SMARCA4: variants seen among roughly 807,000 people sequenced by gnomAD.
SMARCA4 encodes the protein SWI/SNF-related matrix-associated actin-dependent regulator of chromatin subfamily A member 4.
A neutral mutation model predicts 193.9 loss-of-function variants in SMARCA4; 31 were observed. The observed-to-expected ratio is 0.16, with a 90% CI of 0.12 to 0.22. The LOEUF is 0.22. SMARCA4 is among the 10% of genes least tolerant of loss of function. The pLI, the probability that SMARCA4 is intolerant of heterozygous loss-of-function variation, is 1.00. For missense variants in SMARCA4, 1,148 were observed against 2,296.0 expected (o/e 0.50, Z 10.22); for synonymous variants, 942 against 933.1 (o/e 1.01, Z -0.17).
Position 11,003,208 on chromosome 19 carries a change from T to G in SMARCA4, c.1943+49T>G, listed in dbSNP as rs538694619. 10 of 1,613,180 alleles carry G rather than the reference T, an allele frequency of 6.2e-6. No homozygotes were observed. The African/African-American group carries it at 9.3e-5, about 15-fold the overall frequency. ...ATGCAGTGGGGATCCAAGTCCTCGG[T>G]GGGCCTTGTTCCAGGGAGGTGGCAG... On this transcript the variant is annotated intron_variant, in intron 12 of 34. Coordinates refer to ENST00000344626, the MANE Select transcript of SMARCA4 (RefSeq NM_003072.5).
At chr19:11,053,931 A>G (rs2076400820) in intron 30 of SMARCA4, among the ~76,000 whole-genome samples, 3 of 152,146 alleles carry the variant, frequency 2.0e-5, no homozygotes, top group Middle Eastern at 3.2e-3. Context: ...GAAAAGAAAC[A>G]GACAATTCCT....
In SMARCA4 at chr19:11,058,944, C is replaced by T. The variant is rs1353521334; in HGVS notation, c.4635+55C>T. 1 of 1,326,876 alleles carries T rather than the reference C, an allele frequency of 7.5e-7. No individual in the cohort carries two copies. The highest frequency in any genetic ancestry group is 1.4e-5 in the African/African-American group (1 of 69,162). The allele number at this position is 1,326,876 out of a possible 1,614,324, so 82.2% of individuals were successfully genotyped here. ...GCCACTCCCACAGCTGGGCTTTGAC[C>T]CAACCCGCCCCTCCTTCCCTTCTGA... On this transcript the variant is annotated intron_variant, in intron 32 of 34. Transcript: ENST00000344626. This position sits in a 1 kb window ranked among gnomAD's most constrained non-coding sequence, Gnocchi z 5.8.
At chr19:11,054,661 G>C (rs1220829366) in intron 30 of SMARCA4, among the ~76,000 whole-genome samples, 1 of 152,166 alleles carries the variant, frequency 6.6e-6, no homozygotes, top group African/African-American at 2.4e-5. Flanking sequence ...GTGTGGTGGT[G>C]CACCTGTAAT....
chr19:10,966,139 T>C (rs1269013123), intron 1 of SMARCA4, among the ~76,000 whole-genome samples: 1 of 151,776 alleles, frequency 6.6e-6, no homozygotes, highest in Non-Finnish European at 1.5e-5. Context: ...CCCGCCACCA[T>C]GCCTGGCTAA....
rs1453470142 is a variant in SMARCA4, at chr19:10,986,049, A to G, written c.356-140A>G. On this transcript the variant is annotated intron_variant, in intron 3 of 34. Coordinates refer to ENST00000344626, the MANE Select transcript of SMARCA4 (RefSeq NM_003072.5). The surrounding 1 kb of genome is among the most constrained non-coding windows in gnomAD (Gnocchi z 6.7). Reference sequence around the variant, plus strand: ...GAGGTGCCTTCAGCATGTGCCCTCCAGGTGCCCCTGGTTGACTCAAGAGAA... The same window carrying G: ...GAGGTGCCTTCAGCATGTGCCCTCCGGGTGCCCCTGGTTGACTCAAGAGAA... The G allele has an allele frequency of 3.9e-6, 3 of 761,082 alleles. No individual in the cohort carries two copies. The highest frequency in any genetic ancestry group is 6.8e-6 in the Non-Finnish European group (3 of 441,036). 47.1% of individuals were successfully genotyped at this position (761,082 alleles called of 1,614,324 possible).
intron 18 of SMARCA4, among the ~76,000 whole-genome samples, chr19:11,020,126 G>A (rs749275717): frequency 1.3e-5 from 2 of 152,174 alleles, no homozygotes; most frequent in Non-Finnish European, 2.9e-5. Context: ...TTCAGCATGT[G>A]GGGGAGAGCT....
At chr19:11,036,230 C>A (rs2075261658) in intron 29 of SMARCA4, among the ~76,000 whole-genome samples, 1 of 152,202 alleles carries the variant, frequency 6.6e-6, no homozygotes, top group African/African-American at 2.4e-5. Context: ...TGAGCCCTGC[C>A]ACAGACCTGT....
At chr19:11,021,636 C>T (rs2146409947) in intron 18 of SMARCA4, 89 bp from the exon 19 acceptor site, 2 of 1,507,398 alleles carry the variant, frequency 1.3e-6, no homozygotes, top group Non-Finnish European at 1.8e-6. Context: ...TGGAGCCTTC[C>T]TGGCTGCTGG....
Position 10,987,230 on chromosome 19 carries a change from G to A in SMARCA4, c.859+227G>A, listed in dbSNP as rs890670839. On this transcript the variant is annotated intron_variant, in intron 5 of 34. Transcript: ENST00000344626. The surrounding 1 kb of genome is among the most constrained non-coding windows in gnomAD (Gnocchi z 5.3). The stretch of plus-strand genomic sequence containing the variant: ...CTTGTGGCCTTCACCCAGTCCCTGA[G>A]CCCTGTATATGTAATTGCTCAGTAA... 1.3e-5 allele frequency among the ~76,000 whole-genome samples: 2 copies of A among 152,174 alleles called. No individual in the cohort carries two copies. The highest frequency in any genetic ancestry group is 2.9e-5 in the Non-Finnish European group (2 of 68,024).
At chr19:11,003,233 G>T in intron 12 of SMARCA4, 74 bp downstream of exon 12, 1 of 1,608,532 alleles carries the variant, frequency 6.2e-7, no homozygotes, top group Non-Finnish European at 8.5e-7. Flanking sequence ...GGAGGTGGCA[G>T]CCAGGAGCAA....
At chr19:11,021,694 CT>C in intron 18 of SMARCA4, 30 bp from the exon 19 acceptor site, 10 of 1,589,214 alleles carry the variant, frequency 6.3e-6, no homozygotes, top group Non-Finnish European at 7.7e-6. Context: ...CTGCTGCCCC[CT>C]GCCCTGATTG....
Position 11,060,149 on chromosome 19 carries a change from G to T in SMARCA4, c.4873G>T (p.Val1625Phe), listed in dbSNP as rs1600649293. ...GAGCCGAGGGTCCCGAGCCAAGCCG[G>T]TCGTGAGTGACGATGACAGTGAGGA... ...RPSRGSRAKP[V>F]VSDDDSEEEQ... Residue 1625 changes from valine to phenylalanine, a missense_variant, in exon 34 of 35, where the codon GTC (valine) becomes TTC (phenylalanine). By Grantham distance (50) the Val-to-Phe change is conservative. Transcript: ENST00000344626. 6.4e-7 allele frequency: 1 copy of T among 1,551,254 alleles called. No individual in the cohort carries two copies. The highest frequency in any genetic ancestry group is 8.7e-7 in the Non-Finnish European group (1 of 1,146,720).
At chr19:10,964,030 A>AGACG (rs1484020827) in intron 1 of SMARCA4, among the ~76,000 whole-genome samples, 12 of 152,206 alleles carry the variant, frequency 7.9e-5, no homozygotes, top group African/African-American at 2.7e-4. Flanking sequence ...GCCCTTTAGG[A>AGACG]GACGTAAATG....
At chr19:11,050,067 C>T (rs1020446580) in intron 30 of SMARCA4, among the ~76,000 whole-genome samples, 1 of 152,222 alleles carries the variant, frequency 6.6e-6, no homozygotes, top group Admixed American at 6.5e-5. Context: ...CCACTGCACT[C>T]CAGCCTGGGT....
chr19:10,985,169 G>C lies in SMARCA4; in HGVS notation c.223-104G>C, dbSNP rs551881063. On this transcript the variant is annotated intron_variant, in intron 2 of 34. Coordinates refer to ENST00000344626, the MANE Select transcript of SMARCA4 (RefSeq NM_003072.5). The surrounding 1 kb of genome is among the most constrained non-coding windows in gnomAD (Gnocchi z 4.5). ...CTGGGGAGATGCGCGTCATCTTCGG[G>C]TGGCTGTTCTCGGTGCCCTCGAGCT... The C allele has an allele frequency of 5.8e-6, 7 of 1,199,378 alleles. No homozygotes were observed. The African/African-American group carries it at 1.1e-4, about 18-fold the overall frequency. 74.3% of individuals were successfully genotyped at this position (1,199,378 alleles called of 1,614,324 possible). A position where few individuals can be genotyped will look rare whatever the true frequency, so the allele number is the denominator to read the frequency against.
At chr19:10,962,148 G>T (rs2083862364) in intron 1 of SMARCA4, among the ~76,000 whole-genome samples, 1 of 152,092 alleles carries the variant, frequency 6.6e-6, no homozygotes, top group Non-Finnish European at 1.5e-5. Context: ...TAGGGAAGTG[G>T]CTTAACCTCT....
chr19:10,970,969 C>T (rs370874348), intron 1 of SMARCA4, among the ~76,000 whole-genome samples: 2 of 152,230 alleles, frequency 1.3e-5, no homozygotes, highest in African/African-American at 4.8e-5. Flanking sequence ...GAGGCTGAGG[C>T]GGGTGGATCA....
chr19:11,018,338 C>T (rs2089554758), intron 16 of SMARCA4: 1 of 196,104 alleles, frequency 5.1e-6, no homozygotes, highest in Non-Finnish European at 1.1e-5. Flanking sequence ...TCAGGTGACT[C>T]ACCCCTCCCC....
chr19:11,059,735 C>G lies in SMARCA4; in HGVS notation c.4636-18C>G, dbSNP rs2147112126. 4 of 1,556,218 alleles carry G rather than the reference C, an allele frequency of 2.6e-6. No homozygotes were observed. The highest frequency in any genetic ancestry group is 3.5e-6 in the Non-Finnish European group (4 of 1,149,806). ...CCAGTCGGGCCCATCCACTCAAGCC[C>G]CTGGTGTCTCTGCCCAGATCTATGA... On this transcript the variant is annotated intron_variant, in intron 32 of 34. Transcript: ENST00000344626.
Sources: allele counts gnomAD v4.1 joint callset (sites outside exome capture counted in the v4.1 genomes callset), GRCh38; gene constraint gnomAD v4.1.1; non-coding constraint Gnocchi (gnomAD v3.1); transcripts MANE v1.5; gene names NCBI Gene and HGNC (gene_info 2026-07-23, HGNC 2026-07-21).